Variants in BROX observed in about 807,000 individuals in gnomAD.
BROX encodes BRO1 domain and CAAX motif containing.
A neutral mutation model predicts 61.0 loss-of-function variants in BROX; 53 were observed. The ratio of observed to expected loss-of-function variants is 0.87; its 90% CI spans 0.70 to 1.09. The LOEUF (loss-of-function observed/expected upper bound fraction) is 1.09, where lower values mean the gene tolerates loss of function less well. Ranked by LOEUF, BROX falls within the 50% of genes least tolerant of loss-of-function variation. The pLI is 0.00. For missense variants in BROX, 489 were observed against 472.0 expected (o/e 1.04, Z -0.33); for synonymous variants, 152 against 160.2 (o/e 0.95, Z 0.38).
chr1:222,723,985 T>G, intron 5 of BROX, 107 bp from the exon 6 acceptor site: 8 of 743,686 alleles, frequency 1.1e-5, no homozygotes, highest in East Asian at 2.8e-5. Context: ...AAATTAGCAG[T>G]GAGAAACATA....
intron 2 of BROX, 35 bp from the exon 3 acceptor site, chr1:222,718,890 A>G (rs1558227702): frequency 1.3e-6 from 2 of 1,553,992 alleles, no homozygotes; most frequent in African/African-American, 1.4e-5. Context: ...ATTGCAGTAC[A>G]GCTAACTTTA....
Position 222,732,652 on chromosome 1 carries a change from G to C in BROX, c.1174G>C (p.Val392Leu), listed in dbSNP as rs1454690209. The C allele has an allele frequency of 3.1e-6, 5 of 1,613,610 alleles. No individual in the cohort carries two copies. The South Asian group carries it at 4.4e-5, about 14-fold the overall frequency. Residue 392 changes from valine (V) to leucine (L), a missense_variant, in exon 13 of 13, where the codon GTG becomes CTG. Physicochemically the swap from Val to Leu is conservative, Grantham distance 32. Coordinates refer to ENST00000340934, the MANE Select transcript of BROX (RefSeq NM_144695.4). ...GACTAAACCCAAACCAGAAGAAGAA[G>C]TGAAACCTGTGAAAGAACCAGACAT... ...DSTKPKPEEE[V>L]KPVKEPDIKP... is the part of the protein sequence containing the mutation.
chr1:222,715,601 GAAAT>G, intron 1 of BROX, 79 bp from the exon 2 acceptor site: 1 of 563,286 alleles, frequency 1.8e-6, no homozygotes. Flanking sequence ...TTATACTATT[GAAAT>G]AAATTGTTAT....
rs1656273963 is a variant in BROX at position 222,713,690 on chromosome 1, A to G, written c.-17+748A>G. The G allele has an allele frequency of 2.0e-5, 3 of 152,754 alleles. No homozygotes were observed. The South Asian group carries it at 6.2e-4, about 32-fold the overall frequency. The allele number at this position is 152,754 out of a possible 1,614,324, so 9.5% of individuals were successfully genotyped here. A position where few individuals can be genotyped will look rare whatever the true frequency, so the allele number is the denominator to read the frequency against. On this transcript the variant is annotated intron_variant, in intron 1 of 12. Transcript: ENST00000340934. ...GAAGTAAAGATTCGCAAAACTTCAG[A>G]CATTTTCATCCAGGAAGTAGGAGGC...
At chr1:222,714,492 G>GT (rs1052431146) in intron 1 of BROX, among the ~76,000 whole-genome samples, 438 of 135,450 alleles carry the variant, frequency 3.2e-3, no homozygotes, top group African/African-American at 5.9e-3. Context: ...GCCACCGCGC[G>GT]TTTTTTTTTT....
intron 4 of BROX, among the ~76,000 whole-genome samples, 168 bp downstream of exon 4, chr1:222,719,527 A>G (rs1656908128): frequency 6.6e-6 from 1 of 152,220 alleles, no homozygotes. Flanking sequence ...AGTACATAAT[A>G]AAAATATAAT....
In BROX at chr1:222,725,555, G is replaced by C; in HGVS notation, c.580G>C (p.Val194Leu). The change falls in exon 7 of 13, where the codon GTA (valine) becomes CTA (leucine). Residue 194 changes from valine (V) to leucine (L), a missense_variant and splice_region_variant. Physicochemically the swap from Val to Leu is conservative, Grantham distance 32. Transcript: ENST00000340934. ...VIQCQAEAQE[V>L]TIARAIELKH... Reference sequence around the variant, plus strand: ...TCAATGTCAGGCTGAAGCTCAAGAAGGTATCCTAAATATTGTAAGATTTTT... The same window carrying C: ...TCAATGTCAGGCTGAAGCTCAAGAACGTATCCTAAATATTGTAAGATTTTT... 1 of 1,589,300 alleles carries C rather than the reference G, an allele frequency of 6.3e-7. No individual in the cohort carries two copies.
At chr1:222,714,402 G>T (rs1656382158) in intron 1 of BROX, among the ~76,000 whole-genome samples, 2 of 150,552 alleles carry the variant, frequency 1.3e-5, no homozygotes, top group South Asian at 4.2e-4. Flanking sequence ...GAGTCACCGT[G>T]TTAGCCAGGA....
Position 222,734,983 on chromosome 1 carries a change from A to C in BROX, c.*2269A>C, listed in dbSNP as rs1023551178. 5.3e-5 allele frequency: 8 copies of C among 152,302 alleles called. No individual in the cohort carries two copies. Among genetic ancestry groups the C allele is most frequent in the African/African-American group, 1.9e-4 (8 of 41,562 alleles). 9.4% of individuals were successfully genotyped at this position (152,302 alleles called of 1,614,324 possible). On this transcript the variant is annotated 3_prime_UTR_variant, in exon 13 of 13. Transcript: ENST00000340934. ...CACTTTGTGACTAAAGTATCCCATT[A>C]TATATAATGTTTTTTGAAATGTTGG...
intron 2 of BROX, among the ~76,000 whole-genome samples, chr1:222,718,401 TG>T (rs1489916791): frequency 6.6e-6 from 1 of 152,190 alleles, no homozygotes; most frequent in African/African-American, 2.4e-5. Flanking sequence ...GGATATGTAA[TG>T]TAATTTCATT....
At chr1:222,717,198 T>G (rs1054727852) in intron 2 of BROX, among the ~76,000 whole-genome samples, 1 of 152,250 alleles carries the variant, frequency 6.6e-6, no homozygotes, top group East Asian at 1.9e-4. Context: ...TTTAAAAATA[T>G]GAAAACCATT....
chr1:222,719,976 G>A (rs564097777), intron 4 of BROX, among the ~76,000 whole-genome samples: 8 of 152,206 alleles, frequency 5.3e-5, no homozygotes, highest in Middle Eastern at 3.4e-3. Context: ...TGAAATGCCC[G>A]TATATTTTAA....
chr1:222,717,388 A>G (rs1656713826), intron 2 of BROX, among the ~76,000 whole-genome samples: 2 of 152,228 alleles, frequency 1.3e-5, no homozygotes, highest in Non-Finnish European at 2.9e-5. Context: ...TAAAATGAAC[A>G]GCCTAAATTA....
chr1:222,716,185 G>A (rs1008460390), intron 2 of BROX, among the ~76,000 whole-genome samples: 15 of 151,912 alleles, frequency 9.9e-5, no homozygotes, highest in South Asian at 2.1e-4. Flanking sequence ...TGCAACCTCC[G>A]CCTCCTGGGT....
rs1273457406 is a variant in BROX, at chr1:222,729,324, CCTT to C, written c.757-291_757-289del. Among the ~76,000 whole-genome samples the C allele has an allele frequency of 2.0e-5, 3 of 152,148 alleles. No homozygotes were observed. In the East Asian group the frequency reaches 5.8e-4, roughly 29 times the overall value. ...TGAGTAGATAATATTTCTTATACCT[CCTT>C]CTTCCTATGCATTAGCACAATAATT... On this transcript the variant is annotated intron_variant, in intron 9 of 12. Coordinates refer to ENST00000340934, the MANE Select transcript of BROX (RefSeq NM_144695.4).
chr1:222,712,768 T>A lies in BROX; in HGVS notation c.-191T>A. 4.7e-6 allele frequency: 6 copies of A among 1,289,686 alleles called. No individual in the cohort carries two copies. The highest frequency in any genetic ancestry group is 5.1e-6 in the Non-Finnish European group (5 of 989,088). The allele number at this position is 1,289,686 out of a possible 1,614,324, so 79.9% of individuals were successfully genotyped here. A position where few individuals can be genotyped will look rare whatever the true frequency, so the allele number is the denominator to read the frequency against. ...CCCCTGAGCTGCGCGCACTACCGCC[T>A]CGGTAGCTATCATGGCCGCCGGGTC... On this transcript the variant is annotated 5_prime_UTR_variant, in exon 1 of 13. Transcript: ENST00000340934.
intron 1 of BROX, chr1:222,713,903 G>T (rs1242938394): frequency 6.6e-6 from 1 of 152,094 alleles, no homozygotes; most frequent in East Asian, 1.9e-4. Context: ...TTTTCGTTGG[G>T]TACACACTGT....
rs370507125 is a variant in BROX, at chr1:222,733,378, G to T, written c.*664G>T. 3 of 151,794 alleles carry T rather than the reference G, an allele frequency of 2.0e-5. No homozygotes were observed. Among genetic ancestry groups the T allele is most frequent in the South Asian group, 4.2e-4 (2 of 4,804 alleles). 9.4% of individuals were successfully genotyped at this position (151,794 alleles called of 1,614,324 possible). ...TTACAGGCGTGATCCACTGCACCTGGCCTCAGGTATGTTTTTCTATCTACA... is the reference window on the plus strand; with the variant it reads ...TTACAGGCGTGATCCACTGCACCTGTCCTCAGGTATGTTTTTCTATCTACA... On this transcript the variant is annotated 3_prime_UTR_variant, in exon 13 of 13. Transcript: ENST00000340934.
chr1:222,712,732 G>T lies in BROX; in HGVS notation c.-227G>T. 1 of 1,290,490 alleles carries T rather than the reference G, an allele frequency of 7.7e-7. No homozygotes were observed. The highest frequency in any genetic ancestry group is 1.0e-6 in the Non-Finnish European group (1 of 989,634). The allele number at this position is 1,290,490 out of a possible 1,614,324, so 79.9% of individuals were successfully genotyped here. On this transcript the variant is annotated 5_prime_UTR_variant, in exon 1 of 13. Transcript: ENST00000340934. ...CGTTTTGAGGGGACTGCAACGCCGCGGCAATACCCGCCCCTGAGCTGCGCG... is the reference window on the plus strand; with the variant it reads ...CGTTTTGAGGGGACTGCAACGCCGCTGCAATACCCGCCCCTGAGCTGCGCG...
Sources: gnomAD v4.1 joint callset for allele counts (sites outside exome capture counted in the v4.1 genomes callset) on GRCh38, gnomAD v4.1.1 for gene constraint, MANE v1.5 for transcripts, NCBI Gene and HGNC (gene_info 2026-07-23, HGNC 2026-07-21) for gene names.